SPPL2B: variants seen among roughly 807,000 people sequenced by gnomAD.
SPPL2B encodes signal peptide peptidase like 2B.
A neutral mutation model predicts 59.7 loss-of-function variants in SPPL2B; 39 were observed. That is an observed-to-expected ratio of 0.65 (90% confidence interval 0.51 to 0.85). The LOEUF is 0.85. Ranked by LOEUF, SPPL2B falls within the 40% of genes least tolerant of loss-of-function variation. The pLI is 0.00. For missense variants in SPPL2B, 865 were observed against 849.0 expected (o/e 1.02, Z -0.23); for synonymous variants, 419 against 370.8 (o/e 1.13, Z -1.49).
chr19:2,337,502 C>A lies in SPPL2B; in HGVS notation c.246C>A (p.Pro82=), dbSNP rs373534801. Residue 82 remains proline (P), a synonymous_variant, in exon 3 of 15, where the codon CCC becomes CCA. Transcript: ENST00000613503. ...ASLLCSAADL[P]ARGFSNQIPL... Reference sequence around the variant, plus strand: ...TGCTCTGCTCCGCAGCCGACCTCCCCGCCCGTGGCTTCAGCAACCAGATCC... The same window carrying A: ...TGCTCTGCTCCGCAGCCGACCTCCCAGCCCGTGGCTTCAGCAACCAGATCC... 1.9e-6 allele frequency: 3 copies of A among 1,613,208 alleles called. No individual in the cohort carries two copies. The African/African-American group carries it at 4.0e-5, about 22-fold the overall frequency.
intron 2 of SPPL2B, among the ~76,000 whole-genome samples, chr19:2,336,791 G>GT (rs1451912100): frequency 6.9e-6 from 1 of 145,306 alleles, no homozygotes; most frequent in African/African-American, 2.7e-5. Flanking sequence ...GCCTGGCTGT[G>GT]GGTGTGTGTG....
Position 2,339,861 on chromosome 19 carries a change from A to C in SPPL2B, c.637A>C (p.Lys213Gln). The C allele has an allele frequency of 6.2e-7, 1 of 1,604,750 alleles. No individual in the cohort carries two copies. Among genetic ancestry groups the C allele is most frequent in the South Asian group, 1.1e-5 (1 of 89,210 alleles). ...MKHKRDDGPE[K>Q]QEDEAVDVTP... ...GCACAAGCGCGACGATGGGCCCGAG[A>C]AGCAGGAGGACGAGGCGGTGGACGT... The change falls in exon 6 of 15, where the codon AAG becomes CAG. Residue 213 changes from lysine to glutamine, a missense_variant. Coordinates refer to ENST00000613503, the MANE Select transcript of SPPL2B (RefSeq NM_152988.3).
intron 13 of SPPL2B, 75 bp from the exon 14 acceptor site, chr19:2,351,359 C>A: frequency 7.8e-7 from 1 of 1,287,902 alleles, no homozygotes; most frequent in Non-Finnish European, 1.1e-6. Flanking sequence ...CCCCAGCCCG[C>A]TCACGTTCTT....
intron 1 of SPPL2B, 145 bp from the exon 2 acceptor site, chr19:2,334,457 C>G: frequency 9.1e-7 from 1 of 1,101,638 alleles, no homozygotes; most frequent in Non-Finnish European, 1.3e-6. Context: ...TCTGTCCTGT[C>G]GAGAGGGGGA....
chr19:2,349,041 T>A (rs1969708162), intron 13 of SPPL2B, among the ~76,000 whole-genome samples: 1 of 125,896 alleles, frequency 7.9e-6, no homozygotes, highest in African/African-American at 3.3e-5. Flanking sequence ...CCACACACAC[T>A]CACGCGCTCT....
chr19:2,335,251 T>C (rs4807230), intron 2 of SPPL2B, among the ~76,000 whole-genome samples: 38 of 128,916 alleles, frequency 2.9e-4, no homozygotes, highest in South Asian at 2.5e-3. Context: ...CCTTTCCCAC[T>C]GCATCCTTCA....
intron 13 of SPPL2B, among the ~76,000 whole-genome samples, chr19:2,348,523 TCTCC>T (rs1392401562): frequency 2.7e-5 from 4 of 149,994 alleles, no homozygotes; most frequent in Admixed American, 6.6e-5. Flanking sequence ...TTCCGTTCTC[TCTCC>T]CTCCACACAC....
Position 2,344,916 on chromosome 19 carries a change from T to C in SPPL2B, c.1276+264T>C, listed in dbSNP as rs969301319. 4.6e-5 allele frequency among the ~76,000 whole-genome samples: 7 copies of C among 152,182 alleles called. No individual in the cohort carries two copies. In the South Asian group the frequency reaches 6.2e-4, roughly 14 times the overall value. On this transcript the variant is annotated intron_variant, in intron 12 of 14. Transcript: ENST00000613503. ...AGCCTCACCCCATCCTGCTCGGGGT[T>C]GTGCAGGGGTCCTTGCTGGGGCCTG... is the stretch of plus-strand genomic sequence containing the variant.
At chr19:2,345,603 CTGT>C in intron 13 of SPPL2B, among the ~76,000 whole-genome samples, 1 of 150,642 alleles carries the variant, frequency 6.6e-6, no homozygotes, top group African/African-American at 2.4e-5. Context: ...GCCTGTGCCT[CTGT>C]CCCCATCTTC....
In SPPL2B at chr19:2,341,782, C is replaced by T. The variant is rs1355038297; in HGVS notation, c.956+768C>T. 6.0e-5 allele frequency: 22 copies of T among 368,098 alleles called. No individual in the cohort carries two copies. The Middle Eastern group carries it at 1.5e-3, about 26-fold the overall frequency. The allele number at this position is 368,098 out of a possible 1,614,324, so 22.8% of individuals were successfully genotyped here. On this transcript the variant is annotated intron_variant, in intron 8 of 14. Coordinates refer to ENST00000613503, the MANE Select transcript of SPPL2B (RefSeq NM_152988.3). ...TCAGTTATTTCCAAGCCAGGAAACTCGCTCCGTCACATGAAGTTAGAGCAG... is the reference window on the plus strand; with the variant it reads ...TCAGTTATTTCCAAGCCAGGAAACTTGCTCCGTCACATGAAGTTAGAGCAG...
intron 13 of SPPL2B, among the ~76,000 whole-genome samples, chr19:2,350,939 G>A (rs1969893630): frequency 6.6e-6 from 1 of 152,212 alleles, no homozygotes; most frequent in South Asian, 2.1e-4. Flanking sequence ...GGCCCCGGTG[G>A]GTGGACACCG....
chr19:2,352,799 C>A (rs1969996732), intron 14 of SPPL2B, 147 bp from the exon 15 acceptor site: 2 of 874,636 alleles, frequency 2.3e-6, no homozygotes, highest in South Asian at 1.8e-5. Flanking sequence ...ATGGAGCCGG[C>A]CCCCTCCTTG....
At position 2,340,181 on chromosome 19, in the gene SPPL2B, G is replaced by T; in HGVS notation, c.839+9G>T. On this transcript the variant is annotated intron_variant, in intron 7 of 14. Transcript: ENST00000613503. ...CCCTTCGGCAAGTGCAGGTGAGTCT[G>T]CCCTGCTGGCCCCGACGTGCCTGAC... The T allele has an allele frequency of 6.5e-7, 1 of 1,545,298 alleles. No homozygotes were observed. Among genetic ancestry groups the T allele is most frequent in the East Asian group, 2.4e-5 (1 of 42,508 alleles).
At chr19:2,339,032 G>C in intron 4 of SPPL2B, 37 bp from the exon 5 acceptor site, 1 of 1,535,774 alleles carries the variant, frequency 6.5e-7, no homozygotes, top group South Asian at 1.2e-5. Context: ...CTGGCGGGTG[G>C]CTCTGACGCC....
At chr19:2,330,139 C>G (rs959814542) in intron 1 of SPPL2B, among the ~76,000 whole-genome samples, 1 of 151,576 alleles carries the variant, frequency 6.6e-6, no homozygotes, top group Non-Finnish European at 1.5e-5. Flanking sequence ...GACGGAGTCT[C>G]GCTCTGTCGC....
chr19:2,343,935 G>A, intron 9 of SPPL2B, 30 bp from the exon 10 acceptor site: 1 of 1,530,444 alleles, frequency 6.5e-7, no homozygotes, highest in Non-Finnish European at 8.8e-7. Context: ...GGGCCGGGGT[G>A]GGGGCCGCCC....
intron 8 of SPPL2B, 41 bp downstream of exon 8, chr19:2,341,055 CCTCGGGT>C (rs1969003894): frequency 6.9e-7 from 1 of 1,444,252 alleles, no homozygotes; most frequent in Non-Finnish European, 9.6e-7. Flanking sequence ...GCAGCGGAGT[CCTCGGGT>C]GCACCAGGGC....
At chr19:2,349,645 C>T (rs1369117961) in intron 13 of SPPL2B, among the ~76,000 whole-genome samples, 2 of 73,204 alleles carry the variant, frequency 2.7e-5, no homozygotes, top group Non-Finnish European at 4.8e-5. Flanking sequence ...CGCTTGATTC[C>T]GTTCTCTCTC....
chr19:2,348,113 TTC>T lies in SPPL2B; in HGVS notation c.1354+2790_1354+2791del, dbSNP rs1223179706. On this transcript the variant is annotated intron_variant, in intron 13 of 14. Transcript: ENST00000613503. ...ATGCGCTGTCATTCGCTTGATTCCG[TTC>T]TCTCTCCACACACACTCACGCTCTC... is the stretch of plus-strand genomic sequence containing the variant. 6.0e-5 allele frequency among the ~76,000 whole-genome samples: 5 copies of T among 83,274 alleles called. No homozygotes were observed. In the South Asian group the frequency reaches 1.6e-3, roughly 26 times the overall value. The allele number at this position is 83,274 out of a possible 152,430, so 54.6% of individuals were successfully genotyped here.
Sources: gnomAD v4.1 joint callset for allele counts (sites outside exome capture counted in the v4.1 genomes callset) on GRCh38, gnomAD v4.1.1 for gene constraint, MANE v1.5 for transcripts, NCBI Gene and HGNC (gene_info 2026-07-23, HGNC 2026-07-21) for gene names.